ECRG4: variants seen among roughly 807,000 people sequenced by gnomAD.
ECRG4 encodes the protein augurin.
A neutral mutation model predicts 15.8 loss-of-function variants in ECRG4; 18 were observed. That is an observed-to-expected ratio of 1.14 (90% CI 0.79 to 1.69). ECRG4 has a LOEUF of 1.69. Among genes scored for constraint, ECRG4 ranks in the 40% most tolerant of loss-of-function variants. The probability of loss-of-function intolerance (pLI) is 0.00; values close to 1 mark genes in which losing one functional copy is unlikely to be tolerated. For synonymous variants in ECRG4, 82 were observed against 73.9 expected (o/e 1.11, Z -0.56); for missense variants, 200 against 190.9 (o/e 1.05, Z -0.28).
At position 106,077,824 on chromosome 2, in the gene ECRG4, T is replaced by C. The variant is rs750078620; in HGVS notation, c.345T>C (p.Tyr115=). 3.7e-6 allele frequency: 6 copies of C among 1,614,040 alleles called. No homozygotes were observed. The highest frequency in any genetic ancestry group is 5.1e-6 in the Non-Finnish European group (6 of 1,180,012). Residue 115 remains tyrosine, a synonymous_variant, in exon 4 of 4, where the codon TAT becomes TAC. Coordinates refer to ENST00000238044, the MANE Select transcript of ECRG4 (RefSeq NM_032411.3). Reference sequence around the variant, plus strand: ...GAGATCGAAATGGACATGAATACTATGGCGATTACTACCAACGTCACTATG... The same window carrying C: ...GAGATCGAAATGGACATGAATACTACGGCGATTACTACCAACGTCACTATG... The part of the protein sequence containing the change: ...LNRDRNGHEY[Y]GDYYQRHYDE...
chr2:106,070,573 C>T (rs1456415707), intron 1 of ECRG4, among the ~76,000 whole-genome samples: 1 of 152,196 alleles, frequency 6.6e-6, no homozygotes, highest in African/African-American at 2.4e-5. Flanking sequence ...ATATATTCTT[C>T]GCCCCAACTC....
At chr2:106,076,907 C>T (rs559673676) in intron 3 of ECRG4, among the ~76,000 whole-genome samples, 114 of 152,296 alleles carry the variant, frequency 7.5e-4, no homozygotes, top group Non-Finnish European at 9.3e-4. Context: ...CATCAGCACA[C>T]GAGTCCTAGT....
chr2:106,063,739 C>T (rs4851913), upstream of ECRG4, among the ~76,000 whole-genome samples: 72 of 152,276 alleles, frequency 4.7e-4, no homozygotes, highest in Admixed American at 1.8e-3. Flanking sequence ...CGCACCACCA[C>T]GCCTGGCTAA....
At chr2:106,076,885 C>A (rs183056260) in intron 3 of ECRG4, among the ~76,000 whole-genome samples, 2 of 152,178 alleles carry the variant, frequency 1.3e-5, no homozygotes, top group Non-Finnish European at 2.9e-5. Flanking sequence ...AAATCTCTTG[C>A]GATGTCCTGA....
rs1478170034 is a variant in ECRG4, at chr2:106,069,187, CTCTT to C, written c.80-2652_80-2649del. 2.5e-3 allele frequency among the ~76,000 whole-genome samples: 332 copies of C among 131,292 alleles called. 2 individuals carry two copies. The highest frequency in any genetic ancestry group is 8.7e-3 in the African/African-American group (311 of 35,680). The allele number at this position is 131,292 out of a possible 152,430, so 86.1% of individuals were successfully genotyped here. A position where few individuals can be genotyped will look rare whatever the true frequency, so the allele number is the denominator to read the frequency against. ...TTCTTTCTTTTTTCTTTCTTTCTTT[CTCTT>C]TCTTCTTTCTTTTTTATTTTCTTTT... On this transcript the variant is annotated intron_variant, in intron 1 of 3. Transcript: ENST00000238044.
upstream of ECRG4, among the ~76,000 whole-genome samples, chr2:106,065,118 C>T (rs987839699): frequency 8.5e-5 from 13 of 152,082 alleles, no homozygotes; most frequent in Non-Finnish European, 1.8e-4. Context: ...ACTGTGGAAT[C>T]TTTCAAACTA....
At chr2:106,072,704 G>A (rs371191435) in intron 2 of ECRG4, among the ~76,000 whole-genome samples, 373 of 152,312 alleles carry the variant, frequency 2.4e-3, no homozygotes, top group African/African-American at 6.7e-3. Context: ...AACAGGCTTG[G>A]GGCGGTCCCA....
In ECRG4 at chr2:106,065,801, C is replaced by G. The variant is rs1336534551; in HGVS notation, c.37C>G (p.Leu13Val). ...ASPARPAVLA[L>V]TGLALLLLLC... is the part of the protein sequence containing the mutation. Reference sequence around the variant, plus strand: ...CCCCGCGCGGCCTGCTGTCCTGGCCCTGACCGGGCTGGCGCTGCTCCTGCT... The same window carrying G: ...CCCCGCGCGGCCTGCTGTCCTGGCCGTGACCGGGCTGGCGCTGCTCCTGCT... Residue 13 changes from leucine to valine, a missense_variant, in exon 1 of 4, where the codon CTG becomes GTG. Physicochemically the swap from Leu to Val is conservative, Grantham distance 32. Transcript: ENST00000238044. 6 of 1,487,082 alleles carry G rather than the reference C, an allele frequency of 4.0e-6. No homozygotes were observed. In the African/African-American group the frequency reaches 8.8e-5, roughly 22 times the overall value. 92.1% of individuals were successfully genotyped at this position (1,487,082 alleles called of 1,614,324 possible).
chr2:106,074,106 G>A, intron 3 of ECRG4, 63 bp downstream of exon 3: 1 of 1,583,250 alleles, frequency 6.3e-7, no homozygotes, highest in Non-Finnish European at 8.6e-7. Context: ...GAGGAGGCCT[G>A]GCTCGGGGAA....
In ECRG4 at chr2:106,073,937, A is replaced by G. The variant is rs1176024684; in HGVS notation, c.179A>G (p.Glu60Gly). 6.2e-7 allele frequency: 1 copy of G among 1,614,236 alleles called. No individual in the cohort carries two copies. Among genetic ancestry groups the G allele is most frequent in the East Asian group, 2.2e-5 (1 of 44,888 alleles). Reference sequence around the variant, plus strand: ...GCCGTTGATGAGAATAAAGCCAAAGAATTCCTTGGCAGCCTGAAGCGCCAG... The same window carrying G: ...GCCGTTGATGAGAATAAAGCCAAAGGATTCCTTGGCAGCCTGAAGCGCCAG... ...KVAVDENKAK[E>G]FLGSLKRQKR... The change falls in exon 3 of 4, where the codon GAA becomes GGA. Residue 60 changes from glutamate to glycine, a missense_variant. Physicochemically the swap from Glu to Gly is moderately conservative, Grantham distance 98. Transcript: ENST00000238044.
chr2:106,070,427 G>A (rs990810887), intron 1 of ECRG4, among the ~76,000 whole-genome samples: 1 of 152,190 alleles, frequency 6.6e-6, no homozygotes, highest in African/African-American at 2.4e-5. Flanking sequence ...TAGTAGGTTA[G>A]GTGGCTGCTT....
In ECRG4 at chr2:106,076,571, G is replaced by A. The variant is rs193106693; in HGVS notation, c.286-1194G>A. Among the ~76,000 whole-genome samples, 182 of 152,234 alleles carry A rather than the reference G, an allele frequency of 1.2e-3. 1 individual carries two copies. The highest frequency in any genetic ancestry group is 4.0e-3 in the African/African-American group (167 of 41,534). ...GCTGGCCCAGTACCCACCAAGAGTG[G>A]ATGACCACTGAGCCCCAGAGACCAC... is the stretch of plus-strand genomic sequence containing the variant. On this transcript the variant is annotated intron_variant, in intron 3 of 3. Transcript: ENST00000238044.
intron 3 of ECRG4, among the ~76,000 whole-genome samples, chr2:106,075,065 C>G (rs1173885744): frequency 6.6e-6 from 1 of 151,760 alleles, no homozygotes; most frequent in Non-Finnish European, 1.5e-5. Flanking sequence ...TAGCCAAACT[C>G]TGAGCCAAGC....
chr2:106,067,472 A>ATT (rs70953554), intron 1 of ECRG4, among the ~76,000 whole-genome samples: 5 of 145,604 alleles, frequency 3.4e-5, no homozygotes, highest in African/African-American at 1.3e-4. Context: ...CAGTGAAAAT[A>ATT]TTTTTTTTTT....
intron 1 of ECRG4, chr2:106,070,764 A>G (rs902413317): frequency 1.6e-5 from 5 of 310,516 alleles, no homozygotes; most frequent in Non-Finnish European, 3.3e-5. Context: ...TGGCAGATGC[A>G]AACGCAATTT....
intron 1 of ECRG4, among the ~76,000 whole-genome samples, chr2:106,069,129 C>CTT (rs1676287412): frequency 2.1e-5 from 3 of 144,192 alleles, no homozygotes; most frequent in Admixed American, 1.4e-4. Context: ...TTCTTCCTTT[C>CTT]TCTTTCTTTC....
upstream of ECRG4, among the ~76,000 whole-genome samples, chr2:106,064,539 T>C (rs1254814596): frequency 6.6e-6 from 1 of 152,158 alleles, no homozygotes; most frequent in African/African-American, 2.4e-5. Flanking sequence ...TAGCTGGGCC[T>C]CGTGGCACAT....
At chr2:106,070,449 G>A (rs548323375) in intron 1 of ECRG4, among the ~76,000 whole-genome samples, 1 of 152,288 alleles carries the variant, frequency 6.6e-6, no homozygotes, top group South Asian at 2.1e-4. Context: ...CGGACCATGA[G>A]TGTGCCAAGT....
intron 1 of ECRG4, 54 bp downstream of exon 1, chr2:106,065,897 G>T (rs1208345653): frequency 4.2e-6 from 6 of 1,418,960 alleles, no homozygotes; most frequent in Non-Finnish European, 4.6e-6. Flanking sequence ...TTGGCCCCAT[G>T]TGGCGCTTCC....
Sources: gnomAD v4.1 joint callset for allele counts (sites outside exome capture counted in the v4.1 genomes callset) on GRCh38, gnomAD v4.1.1 for gene constraint, MANE v1.5 for transcripts, NCBI Gene and HGNC (gene_info 2026-07-23, HGNC 2026-07-21) for gene names.